Variants in CDH16 observed in about 807,000 individuals in gnomAD.
CDH16 encodes the protein cadherin-16.
In CDH16, 79 loss-of-function variants were observed where a neutral mutation model predicts 87.6. That is an observed-to-expected ratio of 0.90 (90% CI 0.75 to 1.09). CDH16 has a LOEUF of 1.09. CDH16 is among the 50% of genes least tolerant of loss of function. The pLI is 0.00. For synonymous variants in CDH16, 457 were observed against 439.5 expected, an observed-to-expected ratio of 1.04 and a Z score of -0.50; for missense variants, 1,124 against 1,071.7, an observed-to-expected ratio of 1.05 and a Z score of -0.68.
chr16:66,912,246 C>T lies in CDH16; in HGVS notation c.1544G>A (p.Cys515Tyr), dbSNP rs767297064. Residue 515 changes from cysteine (C) to tyrosine (Y), a missense_variant, in exon 12 of 18, where the codon TGC becomes TAC. Cys to Tyr is a radical substitution (Grantham distance 194, BLOSUM62 -2). Transcript: ENST00000299752. ...PDSGHVRLRLCKNLSYEAAPS... is the reference protein window; with the variant it reads ...PDSGHVRLRLYKNLSYEAAPS... ...CCCAGCTACCCAGGCCCTCACCTTG[C>T]AGAGTCTGAGTCTAACATGCCCAGA... The T allele has an allele frequency of 1.2e-6, 2 of 1,607,314 alleles. No individual in the cohort carries two copies. Among genetic ancestry groups the T allele is most frequent in the East Asian group, 2.2e-5 (1 of 44,804 alleles).
At position 66,916,378 on chromosome 16, in the gene CDH16, A is replaced by G; in HGVS notation, c.181T>C (p.Ser61Pro). 1 of 1,613,856 alleles carries G rather than the reference A, an allele frequency of 6.2e-7. No individual in the cohort carries two copies. Among genetic ancestry groups the G allele is most frequent in the Non-Finnish European group, 8.5e-7 (1 of 1,179,828 alleles). The change falls in exon 4 of 18, where the codon TCA becomes CCA. Residue 61 changes from serine to proline, a missense_variant. Transcript: ENST00000299752. This position sits in a 1 kb window ranked among gnomAD's most constrained non-coding sequence, Gnocchi z 4.1. ...AEGQIVLSGD[S>P]GKATEGPFAM... Reference sequence around the variant, plus strand: ...AATGGGCCCTCAGTTGCCTTGCCTGAGTCCCCTGACAGCACGATCTGGCCT... The same window carrying G: ...AATGGGCCCTCAGTTGCCTTGCCTGGGTCCCCTGACAGCACGATCTGGCCT...
intron 9 of CDH16, 65 bp downstream of exon 9, chr16:66,913,065 AT>A: frequency 1.3e-6 from 2 of 1,537,200 alleles, no homozygotes; most frequent in Middle Eastern, 3.5e-4. Context: ...CTGGGTCCTT[AT>A]CCCAGAGAAG....
intron 9 of CDH16, 100 bp from the exon 10 acceptor site, chr16:66,912,991 CGTGTGTGT>C (rs112552212): frequency 3.9e-5 from 43 of 1,114,844 alleles, no homozygotes; most frequent in Admixed American, 7.7e-5. Context: ...AATTTGAGCT[CGTGTGTGT>C]GTGTGTGTGT....
At position 66,909,968 on chromosome 16, in the gene CDH16, A is replaced by C. The variant is rs1239635018; in HGVS notation, c.2275+18T>G. 5 of 1,569,368 alleles carry C rather than the reference A, an allele frequency of 3.2e-6. No homozygotes were observed. The highest frequency in any genetic ancestry group is 3.5e-6 in the Non-Finnish European group (4 of 1,151,974). ...GGTTCCCTCAGGAACTGCAGGCTGC[A>C]CCCAAGCCCAATCTCACCTCGAACC... On this transcript the variant is annotated intron_variant, in intron 16 of 17. Coordinates refer to ENST00000299752, the MANE Select transcript of CDH16 (RefSeq NM_004062.4). This position sits in a 1 kb window ranked among gnomAD's most constrained non-coding sequence, Gnocchi z 4.1.
intron 2 of CDH16, 28 bp downstream of exon 2, chr16:66,917,993 G>C (rs773501186): frequency 6.4e-7 from 1 of 1,554,782 alleles, no homozygotes. Flanking sequence ...GCCAAGACCT[G>C]AAGGAGAGGG....
rs190788142 is a variant in CDH16, at chr16:66,911,839, G to T, written c.1790+60C>A. The T allele has an allele frequency of 1.3e-4, 198 of 1,516,216 alleles. 1 individual carries two copies. The East Asian group carries it at 4.5e-3, about 34-fold the overall frequency. The allele number at this position is 1,516,216 out of a possible 1,614,324, so 93.9% of individuals were successfully genotyped here. On this transcript the variant is annotated intron_variant, in intron 13 of 17. Transcript: ENST00000299752. ...ATGTGAGTCCCCTCTGAGGCCCTGG[G>T]GTCATCCCCAGGGAGCAGGGGCAAT... is the stretch of plus-strand genomic sequence containing the variant.
chr16:66,912,201 G>A lies in CDH16; in HGVS notation c.1548+41C>T, dbSNP rs377409928. On this transcript the variant is annotated intron_variant, in intron 12 of 17. Transcript: ENST00000299752. The stretch of plus-strand genomic sequence containing the variant: ...GGGCAAGGCACATGTGCATGCATGC[G>A]TGCATGTGTGGGCCCCTTTCCCAGC... 1.3e-5 allele frequency: 20 copies of A among 1,599,190 alleles called. No homozygotes were observed. In the African/African-American group the frequency reaches 2.0e-4, roughly 16 times the overall value.
rs769434560 is a variant in CDH16, at chr16:66,916,251, C to T, written c.285+23G>A. ...GTCTGGCTCTGCCTTGCCTGCTCTC[C>T]CCTACACCTGGCCCAGCCATACCTG... is the stretch of plus-strand genomic sequence containing the variant. On this transcript the variant is annotated intron_variant, in intron 4 of 17. Transcript: ENST00000299752. The surrounding 1 kb of genome is among the most constrained non-coding windows in gnomAD (Gnocchi z 4.1). 6.2e-7 allele frequency: 1 copy of T among 1,614,058 alleles called. No homozygotes were observed. Among genetic ancestry groups the T allele is most frequent in the Non-Finnish European group, 8.5e-7 (1 of 1,179,880 alleles).
chr16:66,917,824 G>A, intron 2 of CDH16, 99 bp from the exon 3 acceptor site: 1 of 1,140,956 alleles, frequency 8.8e-7, no homozygotes, highest in Non-Finnish European at 1.3e-6. Flanking sequence ...CCAGGGCCTG[G>A]CTGTACCTTA....
intron 8 of CDH16, 65 bp downstream of exon 8, chr16:66,913,426 C>T: frequency 3.1e-6 from 5 of 1,608,022 alleles, no homozygotes; most frequent in Non-Finnish European, 4.2e-6. Flanking sequence ...GTGACACCCC[C>T]AAAAGCCAAC....
rs772331009 is a variant in CDH16, at chr16:66,911,151, C to T, written c.1924+31G>A. Reference sequence around the variant, plus strand: ...TGTCTGTCTGAGGTTTGTACCCCCTCCCAGGGGCTCCCATCACTGCCTGGC... The same window carrying T: ...TGTCTGTCTGAGGTTTGTACCCCCTTCCAGGGGCTCCCATCACTGCCTGGC... On this transcript the variant is annotated intron_variant, in intron 14 of 17. Transcript: ENST00000299752. 11 of 1,590,270 alleles carry T rather than the reference C, an allele frequency of 6.9e-6. No individual in the cohort carries two copies. The East Asian group carries it at 2.5e-4, about 36-fold the overall frequency.
rs1320272533 is a variant in CDH16 at position 66,916,164 on chromosome 16, G to A, written c.325C>T (p.Pro109Ser). ...EMQDGHVLWG[P>S]QPVLVHVKDE... Reference sequence around the variant, plus strand: ...TTCACGTGCACAAGCACAGGCTGTGGACCCCACAAGACATGTCCATCCTGC... The same window carrying A: ...TTCACGTGCACAAGCACAGGCTGTGAACCCCACAAGACATGTCCATCCTGC... Residue 109 changes from proline to serine, a missense_variant, in exon 5 of 18, where the codon CCA becomes TCA. Coordinates refer to ENST00000299752, the MANE Select transcript of CDH16 (RefSeq NM_004062.4). This position sits in a 1 kb window ranked among gnomAD's most constrained non-coding sequence, Gnocchi z 4.1. The A allele has an allele frequency of 4.3e-6, 7 of 1,614,260 alleles. No individual in the cohort carries two copies. Among genetic ancestry groups the A allele is most frequent in the Non-Finnish European group, 5.9e-6 (7 of 1,180,050 alleles).
In CDH16 at chr16:66,912,423, G is replaced by A. The variant is rs1962470193; in HGVS notation, c.1367C>T (p.Pro456Leu). 1.2e-6 allele frequency: 2 copies of A among 1,613,852 alleles called. No individual in the cohort carries two copies. Among genetic ancestry groups the A allele is most frequent in the Non-Finnish European group, 1.7e-6 (2 of 1,179,880 alleles). ...CTCCACATCCTCAGGGAGGCTTATA[G>A]GCCCAATCTGGAGGAGGAGGAGGGA... ...APEFITSQIG[P>L]ISLPEDVEPG... The change falls in exon 12 of 18, where the codon CCT (proline) becomes CTT (leucine). Residue 456 changes from proline to leucine, a missense_variant. Pro to Leu is a moderately conservative substitution (Grantham distance 98). Coordinates refer to ENST00000299752, the MANE Select transcript of CDH16 (RefSeq NM_004062.4).
chr16:66,913,725 C>T, intron 7 of CDH16, 112 bp from the exon 8 acceptor site: 5 of 1,403,420 alleles, frequency 3.6e-6, no homozygotes, highest in Non-Finnish European at 4.8e-6. Context: ...AGGCAAGGTG[C>T]TGCCCTCCCT....
In CDH16 at chr16:66,911,182, C is replaced by T; in HGVS notation, c.1924G>A (p.Asp642Asn). Residue 642 changes from aspartate to asparagine, a missense_variant and splice_region_variant, in exon 14 of 18, where the codon GAT (aspartate) becomes AAT (asparagine). Transcript: ENST00000299752. ...YTVLVEAQDT[D>N]EPRLSASAPL... ...GGCTCCCATCACTGCCTGGCCATACCTGTATCCTGGGCCTCCACAAGCACC... is the reference window on the plus strand; with the variant it reads ...GGCTCCCATCACTGCCTGGCCATACTTGTATCCTGGGCCTCCACAAGCACC... The T allele has an allele frequency of 6.2e-7, 1 of 1,611,800 alleles. No individual in the cohort carries two copies.
At position 66,910,058 on chromosome 16, in the gene CDH16, C is replaced by G. The variant is rs761244988; in HGVS notation, c.2203G>C (p.Val735Leu). ...GGGATTATGTGTTCACGTGGCTCCA[C>G]CCAATGCAGGGCCAAGGTGAGGTAG... ...HAYLTLALHW[V>L]EPREHIIPVV... The change falls in exon 16 of 18, where the codon GTG (valine) becomes CTG (leucine). Residue 735 changes from valine to leucine, a missense_variant. Transcript: ENST00000299752. 1.2e-6 allele frequency: 2 copies of G among 1,612,948 alleles called. No individual in the cohort carries two copies. Among genetic ancestry groups the G allele is most frequent in the African/African-American group, 1.3e-5 (1 of 74,920 alleles).
rs527383531 is a variant in CDH16, at chr16:66,912,641, G to A, written c.1282+23C>T. The A allele has an allele frequency of 7.4e-6, 12 of 1,613,916 alleles. No homozygotes were observed. In the South Asian group the frequency reaches 1.3e-4, roughly 18 times the overall value. On this transcript the variant is annotated intron_variant, in intron 10 of 17. Transcript: ENST00000299752. ...TAGGAACAGAGGGGACAGGGGGCCTGGGTCACCAATCAGGGCACTTACCAC... is the reference window on the plus strand; with the variant it reads ...TAGGAACAGAGGGGACAGGGGGCCTAGGTCACCAATCAGGGCACTTACCAC...
rs1243323699 is a variant in CDH16 at position 66,909,970 on chromosome 16, C to T, written c.2275+16G>A. 6.3e-7 allele frequency: 1 copy of T among 1,578,808 alleles called. No homozygotes were observed. Among genetic ancestry groups the T allele is most frequent in the Non-Finnish European group, 8.6e-7 (1 of 1,159,230 alleles). On this transcript the variant is annotated intron_variant, in intron 16 of 17. Transcript: ENST00000299752. The surrounding 1 kb of genome is among the most constrained non-coding windows in gnomAD (Gnocchi z 4.1). ...TTCCCTCAGGAACTGCAGGCTGCAC[C>T]CAAGCCCAATCTCACCTCGAACCAG... is the stretch of plus-strand genomic sequence containing the variant.
At position 66,908,260 on chromosome 16, in the gene CDH16, C is replaced by T; in HGVS notation, c.*132G>A. On this transcript the variant is annotated 3_prime_UTR_variant, in exon 18 of 18. Coordinates refer to ENST00000299752, the MANE Select transcript of CDH16 (RefSeq NM_004062.4). ...GACATGCCTGGTGATGGTGATGGTG[C>T]CTCCACCCCAGGGCAGATGGAGGGG... is the stretch of plus-strand genomic sequence containing the variant. 7 of 678,848 alleles carry T rather than the reference C, an allele frequency of 1.0e-5. 1 individual carries two copies. The South Asian group carries it at 1.1e-4, about 10-fold the overall frequency. 42.1% of individuals were successfully genotyped at this position (678,848 alleles called of 1,614,324 possible). A position where few individuals can be genotyped will look rare whatever the true frequency, so the allele number is the denominator to read the frequency against.
Sources: allele counts gnomAD v4.1 joint callset, GRCh38; gene constraint gnomAD v4.1.1; non-coding constraint Gnocchi (gnomAD v3.1); transcripts MANE v1.5; gene names NCBI Gene and HGNC (gene_info 2026-07-23, HGNC 2026-07-21).